The following FREM1 variants were observed in gnomAD, a reference collection of about 807,000 sequenced individuals.
The protein encoded by FREM1 is FRAS1-related extracellular matrix protein 1.
A neutral mutation model predicts 210.1 loss-of-function variants in FREM1; 220 were observed. That is an observed-to-expected ratio of 1.05 (90% confidence interval 0.94 to 1.17). FREM1 has a LOEUF of 1.17. Ranked by LOEUF, FREM1 falls within the 50% of genes most tolerant of loss-of-function variation. The pLI, the probability that FREM1 is intolerant of heterozygous loss-of-function variation, is 0.00. For missense variants in FREM1, 3,454 were observed against 2,675.5 expected, an observed-to-expected ratio of 1.29 and a Z score of -6.42; for synonymous variants, 1,189 against 980.2, an observed-to-expected ratio of 1.21 and a Z score of -3.98.
upstream of FREM1, chr9:14,910,813 C>A (rs150726572): frequency 2.6e-5 from 4 of 152,310 alleles, no homozygotes; most frequent in African/African-American, 9.6e-5. Flanking sequence ...TCTTTTCTTC[C>A]AACACATTCC....
At position 14,750,211 on chromosome 9, in the gene FREM1, A is replaced by T. The variant is rs757563974; in HGVS notation, c.5473T>A (p.Phe1825Ile). 9.9e-6 allele frequency: 16 copies of T among 1,613,492 alleles called. No homozygotes were observed. The highest frequency in any genetic ancestry group is 6.7e-5 in the Admixed American group (4 of 59,990). Residue 1825 changes from phenylalanine to isoleucine, a missense_variant, in exon 30 of 37, where the codon TTT becomes ATT. Phe to Ile is a conservative substitution (Grantham distance 21, BLOSUM62 0). Coordinates refer to ENST00000380880, the MANE Select transcript of FREM1 (RefSeq NM_001379081.2). ...YDGLEEDDEV[F>I]EVILNSPVNA... ...ACAGGGGAGTTCAGAATTACTTCAA[A>T]GACCTCATCATCTTCCTCTAATCCG...
intron 27 of FREM1, among the ~76,000 whole-genome samples, chr9:14,761,749 T>G (rs909992451): frequency 2.0e-5 from 3 of 152,182 alleles, no homozygotes; most frequent in Non-Finnish European, 4.4e-5. Flanking sequence ...GTCCAGCACA[T>G]CCACACAGTA....
Position 14,737,324 on chromosome 9 carries a change from G to T in FREM1, c.*72C>A, listed in dbSNP as rs1840568837. 2 of 1,151,832 alleles carry T rather than the reference G, an allele frequency of 1.7e-6. No homozygotes were observed. Among genetic ancestry groups the T allele is most frequent in the Non-Finnish European group, 2.5e-6 (2 of 796,608 alleles). 71.4% of individuals were successfully genotyped at this position (1,151,832 alleles called of 1,614,324 possible). A position where few individuals can be genotyped will look rare whatever the true frequency, so the allele number is the denominator to read the frequency against. ...CAATCATAACAATTTGTTTTCTATG[G>T]AGCAATATTCACAGATCCTGTGAAT... is the stretch of plus-strand genomic sequence containing the variant. On this transcript the variant is annotated 3_prime_UTR_variant, in exon 37 of 37. Transcript: ENST00000380880.
chr9:14,846,023 C>G lies in FREM1; in HGVS notation c.1330G>C (p.Asp444His), dbSNP rs757140817. ...WEQFQVVDND[D>H]IGAVRLVTVG... The stretch of plus-strand genomic sequence containing the variant: ...GTGACTAGCCGGACAGCACCAATGT[C>G]GTCATTGTCGACAACCTGAAACTGT... The change falls in exon 8 of 37, where the codon GAC (aspartate) becomes CAC (histidine). Residue 444 changes from aspartate to histidine, a missense_variant. By Grantham distance (81) the Asp-to-His change is moderately conservative (BLOSUM62 -1). Coordinates refer to ENST00000380880, the MANE Select transcript of FREM1 (RefSeq NM_001379081.2). The G allele has an allele frequency of 8.1e-6, 13 of 1,611,444 alleles. No individual in the cohort carries two copies. The South Asian group carries it at 1.1e-4, about 14-fold the overall frequency.
chr9:14,789,759 G>A (rs775487115), intron 22 of FREM1, among the ~76,000 whole-genome samples: 1 of 152,138 alleles, frequency 6.6e-6, no homozygotes, highest in Non-Finnish European at 1.5e-5. Flanking sequence ...CATTATTTAA[G>A]CATATGTTTT....
chr9:14,746,397 C>T lies in FREM1; in HGVS notation c.6210G>A (p.Glu2070=), dbSNP rs142174638. ...HSGYCHILIT[E]QKGTWNAAAQ... is the part of the protein sequence containing the mutation. The stretch of plus-strand genomic sequence containing the variant: ...CAGCCGCATTCCAGGTGCCTTTCTG[C>T]TCTGTGATCAAGATGTGACAGTAGC... The change falls in exon 35 of 37, where the codon GAG becomes GAA. Residue 2070 remains glutamate, a synonymous_variant. Coordinates refer to ENST00000380880, the MANE Select transcript of FREM1 (RefSeq NM_001379081.2). 23 of 1,613,882 alleles carry T rather than the reference C, an allele frequency of 1.4e-5. No individual in the cohort carries two copies. The African/African-American group carries it at 2.5e-4, about 18-fold the overall frequency.
chr9:14,848,613 TC>T, intron 7 of FREM1, 51 bp downstream of exon 7: 2 of 1,063,324 alleles, frequency 1.9e-6, no homozygotes, highest in Non-Finnish European at 1.4e-6. Flanking sequence ...CCATCTACTT[TC>T]TTGTATTCCC....
chr9:14,821,754 G>T (rs756388051), intron 13 of FREM1, among the ~76,000 whole-genome samples: 1 of 152,204 alleles, frequency 6.6e-6, no homozygotes, highest in African/African-American at 2.4e-5. Context: ...GGCTTAGATG[G>T]TCTGGAGAGC....
At chr9:14,861,984 C>A (rs149130298) in intron 3 of FREM1, among the ~76,000 whole-genome samples, 1 of 152,228 alleles carries the variant, frequency 6.6e-6, no homozygotes, top group African/African-American at 2.4e-5. Flanking sequence ...CTCCCCACTA[C>A]CCTTCCCACC....
chr9:14,833,219 T>A (rs1390099601), intron 10 of FREM1, among the ~76,000 whole-genome samples: 1 of 151,888 alleles, frequency 6.6e-6, no homozygotes, highest in Non-Finnish European at 1.5e-5. Flanking sequence ...ATCTTAAGAG[T>A]GGTTTAGGGA....
At chr9:14,769,941 G>T (rs965683948) in intron 26 of FREM1, 73 bp from the exon 27 acceptor site, 1 of 725,536 alleles carries the variant, frequency 1.4e-6, no homozygotes, top group Non-Finnish European at 2.2e-6. Flanking sequence ...AAATTGTATG[G>T]CTATTTTATT....
intron 15 of FREM1, among the ~76,000 whole-genome samples, chr9:14,813,811 G>A (rs1467918237): frequency 1.3e-5 from 2 of 152,222 alleles, no homozygotes; most frequent in Non-Finnish European, 2.9e-5. Flanking sequence ...ACAACTTGGT[G>A]TGTGCTGCAA....
At chr9:14,855,594 T>G (rs901324332) in intron 5 of FREM1, among the ~76,000 whole-genome samples, 1 of 152,192 alleles carries the variant, frequency 6.6e-6, no homozygotes, top group Non-Finnish European at 1.5e-5. Context: ...CATGTGTGTG[T>G]ATGTAAAAAT....
At chr9:14,828,555 T>C (rs1420333842) in intron 10 of FREM1, among the ~76,000 whole-genome samples, 2 of 149,978 alleles carry the variant, frequency 1.3e-5, no homozygotes, top group Non-Finnish European at 2.9e-5. Context: ...TTTTTTTGCA[T>C]TGATGCTGAA....
chr9:14,823,217 AG>A lies in FREM1; in HGVS notation c.2279del (p.Thr760IlefsTer26). On this transcript the variant is annotated frameshift_variant, in exon 13 of 37. Coordinates refer to ENST00000380880, the MANE Select transcript of FREM1 (RefSeq NM_001379081.2). LOFTEE classifies it high-confidence loss of function. ...TAATGTTAAAGCAGATCCCATGCAA[AG>A]TACCGCCATGTTGGTTACTGACAGA... ...TFSVSNQHGGTLHGICFNITI... is the reference protein window; with the variant it reads ...TFSVSNQHGGXLHGICFNITI... 1 of 1,613,968 alleles carries A rather than the reference AG, an allele frequency of 6.2e-7. No homozygotes were observed. Among genetic ancestry groups the A allele is most frequent in the Non-Finnish European group, 8.5e-7 (1 of 1,179,860 alleles).
chr9:14,823,263 C>G lies in FREM1; in HGVS notation c.2234G>C (p.Arg745Thr). The G allele has an allele frequency of 6.2e-7, 1 of 1,613,936 alleles. No individual in the cohort carries two copies. Among genetic ancestry groups the G allele is most frequent in the Non-Finnish European group, 8.5e-7 (1 of 1,179,830 alleles). ...GACAGAAAATGTGAACTGGACATCTCTGCAATGGGGACCAATGTCTTGCAT... is the reference window on the plus strand; with the variant it reads ...GACAGAAAATGTGAACTGGACATCTGTGCAATGGGGACCAATGTCTTGCAT... Reference protein sequence around the residue: ...PPMQDIGPHCRDVQFTFSVSN... With the variant: ...PPMQDIGPHCTDVQFTFSVSN... The change falls in exon 13 of 37, where the codon AGA (arginine) becomes ACA (threonine). Residue 745 changes from arginine to threonine, a missense_variant. Coordinates refer to ENST00000380880, the MANE Select transcript of FREM1 (RefSeq NM_001379081.2).
intron 27 of FREM1, among the ~76,000 whole-genome samples, chr9:14,764,336 A>G (rs989633670): frequency 1.3e-5 from 2 of 152,168 alleles, no homozygotes; most frequent in Admixed American, 1.3e-4. Flanking sequence ...TAATACAACC[A>G]TCGAAAATAT....
At chr9:14,781,409 A>G (rs1849625918) in intron 24 of FREM1, among the ~76,000 whole-genome samples, 1 of 152,180 alleles carries the variant, frequency 6.6e-6, no homozygotes, top group South Asian at 2.1e-4. Context: ...AATTGAAACC[A>G]TATTTTTGCC....
At chr9:14,879,490 C>A (rs987328486) in intron 1 of FREM1, among the ~76,000 whole-genome samples, 1 of 152,174 alleles carries the variant, frequency 6.6e-6, no homozygotes, top group African/African-American at 2.4e-5. Context: ...GAGAATCTAT[C>A]CAACAGAGAT....
Sources: gnomAD v4.1 joint callset for allele counts (sites outside exome capture counted in the v4.1 genomes callset) on GRCh38, gnomAD v4.1.1 for gene constraint, MANE v1.5 for transcripts, NCBI Gene and HGNC (gene_info 2026-07-23, HGNC 2026-07-21) for gene names.